Variants in LYPD6 observed in about 807,000 individuals in gnomAD.
LYPD6 encodes the protein LY6/PLAUR domain containing 6, also known as ly6/PLAUR domain-containing protein 6.
Under a neutral mutation model 22.7 loss-of-function variants are expected in LYPD6, and 15 were observed. The ratio of observed to expected loss-of-function variants is 0.66; its 90% CI spans 0.44 to 1.02. LYPD6 has a LOEUF of 1.02. Among genes scored for constraint, LYPD6 ranks in the 50% least tolerant of loss-of-function variants. The pLI, the probability that LYPD6 is intolerant of heterozygous loss-of-function variation, is 0.00. For synonymous variants in LYPD6, 72 were observed against 77.5 expected (o/e 0.93, Z 0.37); for missense variants, 189 against 208.4 (o/e 0.91, Z 0.57).
intron 1 of LYPD6, among the ~76,000 whole-genome samples, chr2:149,403,065 CT>C (rs1682599400): frequency 6.6e-6 from 1 of 151,852 alleles, no homozygotes; most frequent in Non-Finnish European, 1.5e-5. Flanking sequence ...TGAACTCATC[CT>C]TTTTTATGGC....
rs368760102 is a variant in LYPD6 at position 149,402,788 on chromosome 2, G to T, written c.-71-34850G>T. On this transcript the variant is annotated intron_variant, in intron 1 of 4. Transcript: ENST00000334166. ...GTACATGTGCACAACGTGCAGGTTTGTTACATATGTATACATGTGCCATGC... is the reference window on the plus strand; with the variant it reads ...GTACATGTGCACAACGTGCAGGTTTTTTACATATGTATACATGTGCCATGC... 6.6e-5 allele frequency among the ~76,000 whole-genome samples: 10 copies of T among 151,774 alleles called. No individual in the cohort carries two copies. The South Asian group carries it at 1.5e-3, about 22-fold the overall frequency.
chr2:149,467,604 TAATA>T (rs1681228478), intron 3 of LYPD6, among the ~76,000 whole-genome samples: 2 of 152,180 alleles, frequency 1.3e-5, no homozygotes. Flanking sequence ...TTGTATTGCC[TAATA>T]AATAATCTCA....
intron 1 of LYPD6, among the ~76,000 whole-genome samples, chr2:149,432,722 C>T (rs187959008): frequency 1.3e-5 from 2 of 152,284 alleles, no homozygotes; most frequent in Admixed American, 1.3e-4. Flanking sequence ...CTCTTTTCCC[C>T]CTTTCCCTCA....
At chr2:149,386,209 A>G (rs998709281) in intron 1 of LYPD6, among the ~76,000 whole-genome samples, 5 of 152,210 alleles carry the variant, frequency 3.3e-5, no homozygotes, top group Non-Finnish European at 5.9e-5. Flanking sequence ...TAGAAAAGCA[A>G]TGGCAGGGTA....
At chr2:149,381,439 G>A (rs546286385) in intron 1 of LYPD6, among the ~76,000 whole-genome samples, 42 of 152,162 alleles carry the variant, frequency 2.8e-4, no homozygotes, top group Non-Finnish European at 2.8e-4. Context: ...GTAACAGGAG[G>A]TAGGCAGAGT....
intron 1 of LYPD6, among the ~76,000 whole-genome samples, chr2:149,398,075 T>C (rs1682464692): frequency 6.6e-6 from 1 of 152,120 alleles, no homozygotes; most frequent in South Asian, 2.1e-4. Flanking sequence ...GTAAACACAA[T>C]AGCTTTTCTT....
chr2:149,407,974 C>G (rs1179905272), intron 1 of LYPD6, among the ~76,000 whole-genome samples: 1 of 152,176 alleles, frequency 6.6e-6, no homozygotes, highest in Non-Finnish European at 1.5e-5. Context: ...AGCTGCAGGT[C>G]TGTTGGAGTT....
chr2:149,440,867 ATT>A (rs112892707), intron 2 of LYPD6, among the ~76,000 whole-genome samples: 1,964 of 144,518 alleles, frequency 0.014, 47 homozygotes, highest in African/African-American at 0.044. Context: ...GGCCTGACTA[ATT>A]TTTTTTTTTT....
intron 4 of LYPD6, among the ~76,000 whole-genome samples, chr2:149,469,846 G>A (rs1007176011): frequency 5.3e-5 from 8 of 152,080 alleles, no homozygotes; most frequent in Admixed American, 6.6e-5. Flanking sequence ...GTCTACCTCC[G>A]CAACATTATA....
At chr2:149,456,970 C>T (rs1357907894) in intron 3 of LYPD6, among the ~76,000 whole-genome samples, 2 of 152,110 alleles carry the variant, frequency 1.3e-5, no homozygotes, top group East Asian at 1.9e-4. Flanking sequence ...AGTTGTAATC[C>T]GTTCATTCTC....
At chr2:149,443,819 G>C (rs948519199) in intron 2 of LYPD6, among the ~76,000 whole-genome samples, 2 of 151,368 alleles carry the variant, frequency 1.3e-5, no homozygotes, top group African/African-American at 4.9e-5. Context: ...TCACAATAAA[G>C]CAAGTTATGC....
At chr2:149,376,830 C>G (rs781148301) in intron 1 of LYPD6, among the ~76,000 whole-genome samples, 2 of 152,174 alleles carry the variant, frequency 1.3e-5, no homozygotes, top group Non-Finnish European at 2.9e-5. Context: ...TGCTACTGTT[C>G]CCTAATTTGG....
rs1683461759 is a variant in LYPD6 at position 149,437,629 on chromosome 2, A to G, written c.-71-9A>G. 2 of 1,582,122 alleles carry G rather than the reference A, an allele frequency of 1.3e-6. No individual in the cohort carries two copies. The highest frequency in any genetic ancestry group is 2.3e-5 in the East Asian group (1 of 44,296). The stretch of plus-strand genomic sequence containing the variant: ...CGATCACTGAGATGATTCTTTCTTC[A>G]TTTTTCAGGTGCAAGTTCTCTCCTG... On this transcript the variant is annotated splice_polypyrimidine_tract_variant and intron_variant, in intron 1 of 4. Coordinates refer to ENST00000334166, the MANE Select transcript of LYPD6 (RefSeq NM_194317.5).
At chr2:149,401,690 A>T (rs1191207407) in intron 1 of LYPD6, among the ~76,000 whole-genome samples, 1 of 152,016 alleles carries the variant, frequency 6.6e-6, no homozygotes, top group Non-Finnish European at 1.5e-5. Flanking sequence ...CAGATCTTTT[A>T]TTTTTAGTAT....
intron 1 of LYPD6, among the ~76,000 whole-genome samples, chr2:149,398,669 G>A (rs957029176): frequency 6.6e-6 from 1 of 152,056 alleles, no homozygotes; most frequent in African/African-American, 2.4e-5. Flanking sequence ...GGTTGTTGCT[G>A]TTCACAGTTC....
chr2:149,463,267 A>G (rs561863476), intron 3 of LYPD6, among the ~76,000 whole-genome samples: 9 of 152,312 alleles, frequency 5.9e-5, no homozygotes, highest in Admixed American at 1.3e-4. Flanking sequence ...CCAGATGGCA[A>G]ATAAACACAT....
At chr2:149,362,661 A>G (rs1227253219) in intron 1 of LYPD6, among the ~76,000 whole-genome samples, 3 of 152,112 alleles carry the variant, frequency 2.0e-5, no homozygotes, top group Non-Finnish European at 2.9e-5. Context: ...TTTTTGCTAC[A>G]TCATCCCATG....
chr2:149,476,447 T>C (rs556138169), downstream of LYPD6, among the ~76,000 whole-genome samples: 6 of 152,332 alleles, frequency 3.9e-5, no homozygotes, highest in South Asian at 1.2e-3. Context: ...GTTTATGGCA[T>C]GTCCCATGTC....
chr2:149,400,064 C>T (rs1194415926), intron 1 of LYPD6, among the ~76,000 whole-genome samples: 1 of 152,196 alleles, frequency 6.6e-6, no homozygotes, highest in Non-Finnish European at 1.5e-5. Flanking sequence ...GCAGCTGGGT[C>T]CTTCCCAGCA....
Sources: gnomAD v4.1 joint callset for allele counts (sites outside exome capture counted in the v4.1 genomes callset) on GRCh38, gnomAD v4.1.1 for gene constraint, MANE v1.5 for transcripts, NCBI Gene and HGNC (gene_info 2026-07-23, HGNC 2026-07-21) for gene names.